Variants in GALNTL6 observed in about 807,000 individuals in gnomAD.
GALNTL6 encodes the protein polypeptide N-acetylgalactosaminyltransferase-like 6.
In GALNTL6, 46 loss-of-function variants were observed where a neutral mutation model predicts 73.7. That is an observed-to-expected ratio of 0.62 (90% CI 0.49 to 0.80). GALNTL6 has a LOEUF of 0.80. Among genes scored for constraint, GALNTL6 ranks in the 30% least tolerant of loss-of-function variants. GALNTL6 has a pLI of 0.00. For synonymous variants in GALNTL6, 259 were observed against 263.7 expected (o/e 0.98, Z 0.17); for missense variants, 604 against 755.0 (o/e 0.80, Z 2.34).
chr4:171,995,847 T>C (rs895686910), intron 2 of GALNTL6, among the ~76,000 whole-genome samples: 2 of 152,084 alleles, frequency 1.3e-5, no homozygotes, highest in Non-Finnish European at 2.9e-5. Context: ...AAAGTCCATG[T>C]ACCATGTGCT....
intron 2 of GALNTL6, among the ~76,000 whole-genome samples, chr4:172,121,106 G>A (rs1261364371): frequency 2.6e-5 from 4 of 151,984 alleles, no homozygotes; most frequent in Non-Finnish European, 5.9e-5. Context: ...GCATATTCAG[G>A]AAGGTAAAAG....
Position 172,988,916 on chromosome 4 carries a change from A to G in GALNTL6, c.1372-20262A>G, listed in dbSNP as rs574338353. 2.6e-5 allele frequency among the ~76,000 whole-genome samples: 4 copies of G among 152,348 alleles called. No homozygotes were observed. In the South Asian group the frequency reaches 6.2e-4, roughly 24 times the overall value. ...TCTAGATCTCAGAGAATGTATGGAA[A>G]TGCCTGGATGTCCAGGCAGAAGTCT... On this transcript the variant is annotated intron_variant, in intron 10 of 12. Coordinates refer to ENST00000506823, the MANE Select transcript of GALNTL6 (RefSeq NM_001034845.3).
intron 5 of GALNTL6, among the ~76,000 whole-genome samples, chr4:172,370,263 C>A (rs1742746409): frequency 6.6e-6 from 1 of 152,022 alleles, no homozygotes; most frequent in South Asian, 2.1e-4. Flanking sequence ...AGCTTGATGG[C>A]CTCGATTCTA....
intron 10 of GALNTL6, among the ~76,000 whole-genome samples, chr4:172,965,855 CATAAAT>C (rs1377859770): frequency 6.6e-6 from 1 of 152,082 alleles, no homozygotes; most frequent in Non-Finnish European, 1.5e-5. Context: ...TGTTAACACA[CATAAAT>C]ATATACTTTT....
chr4:172,868,341 T>C (rs1166561854), intron 7 of GALNTL6, among the ~76,000 whole-genome samples: 2 of 152,188 alleles, frequency 1.3e-5, no homozygotes, highest in East Asian at 3.8e-4. Context: ...TCACACTTTA[T>C]CTTCTCAGCA....
chr4:171,825,487 C>T (rs1430950506), intron 2 of GALNTL6, among the ~76,000 whole-genome samples: 1 of 152,198 alleles, frequency 6.6e-6, no homozygotes, highest in Non-Finnish European at 1.5e-5. Context: ...ATTGTCCCCC[C>T]TCTTAACTTA....
intron 2 of GALNTL6, among the ~76,000 whole-genome samples, chr4:172,169,361 A>G (rs573637982): frequency 6.6e-6 from 1 of 152,342 alleles, no homozygotes; most frequent in South Asian, 2.1e-4. Flanking sequence ...GACAACTTCT[A>G]AGGTCTCTTT....
Position 172,070,731 on chromosome 4 carries a change from A to C in GALNTL6, c.139-158925A>C, listed in dbSNP as rs112819967. Among the ~76,000 whole-genome samples, 2 of 110,406 alleles carry C rather than the reference A, an allele frequency of 1.8e-5. 1 individual carries two copies. The highest frequency in any genetic ancestry group is 6.8e-5 in the African/African-American group (2 of 29,252). The allele number at this position is 110,406 out of a possible 152,430, so 72.4% of individuals were successfully genotyped here. ...TGTTATAGCAACAGAAAACAAAGTA[A>C]GACAGATAGTAAAAAAGATCTCTGT... On this transcript the variant is annotated intron_variant, in intron 2 of 12. Coordinates refer to ENST00000506823, the MANE Select transcript of GALNTL6 (RefSeq NM_001034845.3).
chr4:172,156,224 T>TA (rs1320755162), intron 2 of GALNTL6, among the ~76,000 whole-genome samples: 1 of 151,954 alleles, frequency 6.6e-6, no homozygotes, highest in Non-Finnish European at 1.5e-5. Context: ...CTTCAGCGGG[T>TA]ATGTGTCTCT....
At chr4:172,178,312 G>GT (rs1192041928) in intron 2 of GALNTL6, among the ~76,000 whole-genome samples, 1 of 152,026 alleles carries the variant, frequency 6.6e-6, no homozygotes, top group Non-Finnish European at 1.5e-5. Context: ...TATACTTTAA[G>GT]TTCTGGGATA....
chr4:173,000,786 G>A (rs1301105868), intron 10 of GALNTL6, among the ~76,000 whole-genome samples: 1 of 152,134 alleles, frequency 6.6e-6, no homozygotes, highest in Non-Finnish European at 1.5e-5. Context: ...TGACAAGGGT[G>A]CCAATATCAC....
chr4:172,906,128 G>A (rs1015849247), intron 8 of GALNTL6, among the ~76,000 whole-genome samples: 1 of 152,076 alleles, frequency 6.6e-6, no homozygotes, highest in African/African-American at 2.4e-5. Context: ...TGGCACAAAG[G>A]AGAAGCAGAT....
chr4:172,466,514 G>A (rs1405612674), intron 5 of GALNTL6, among the ~76,000 whole-genome samples: 2 of 152,180 alleles, frequency 1.3e-5, no homozygotes, highest in African/African-American at 4.8e-5. Context: ...TTACATTGAA[G>A]ACAAAGATTA....
At chr4:171,978,310 G>A (rs1204901681) in intron 2 of GALNTL6, among the ~76,000 whole-genome samples, 2 of 152,136 alleles carry the variant, frequency 1.3e-5, no homozygotes, top group Non-Finnish European at 2.9e-5. Flanking sequence ...ATTAAAAAGT[G>A]TATATTAAGT....
At chr4:172,933,556 T>C (rs1488912843) in intron 9 of GALNTL6, among the ~76,000 whole-genome samples, 1 of 152,156 alleles carries the variant, frequency 6.6e-6, no homozygotes, top group African/African-American at 2.4e-5. Context: ...AGCTCATTTT[T>C]ATTTTTTTTT....
intron 5 of GALNTL6, among the ~76,000 whole-genome samples, chr4:172,503,293 G>A (rs1013115246): frequency 6.6e-6 from 1 of 151,850 alleles, no homozygotes; most frequent in Non-Finnish European, 1.5e-5. Context: ...ACAGGACATG[G>A]CCTACATATT....
chr4:172,211,351 A>G (rs1292119986), intron 2 of GALNTL6, among the ~76,000 whole-genome samples: 1 of 152,204 alleles, frequency 6.6e-6, no homozygotes. Context: ...ATTTACACGT[A>G]TGTCTAAATA....
At chr4:171,849,332 G>GTAT (rs1203533539) in intron 2 of GALNTL6, among the ~76,000 whole-genome samples, 1 of 152,150 alleles carries the variant, frequency 6.6e-6, no homozygotes. Context: ...CGCCATTTAT[G>GTAT]TATTAAGTTT....
chr4:172,715,404 A>G (rs1360175172), intron 5 of GALNTL6, among the ~76,000 whole-genome samples: 1 of 152,242 alleles, frequency 6.6e-6, no homozygotes, highest in African/African-American at 2.4e-5. Flanking sequence ...AAAGGCCAGC[A>G]TAAAAGAGTG....
Sources: gnomAD v4.1 joint callset for allele counts (sites outside exome capture counted in the v4.1 genomes callset) on GRCh38, gnomAD v4.1.1 for gene constraint, MANE v1.5 for transcripts, NCBI Gene and HGNC (gene_info 2026-07-23, HGNC 2026-07-21) for gene names.